Variants in GOLGA4 observed in about 807,000 individuals in gnomAD.
The protein encoded by GOLGA4 is golgin A4.
Under a neutral mutation model 265.9 loss-of-function variants are expected in GOLGA4, and 169 were observed. The ratio of observed to expected loss-of-function variants is 0.64; its 90% CI spans 0.56 to 0.72. The LOEUF (loss-of-function observed/expected upper bound fraction) is 0.72. Among genes scored for constraint, GOLGA4 ranks in the 30% least tolerant of loss-of-function variants. The pLI, the probability that GOLGA4 is intolerant of heterozygous loss-of-function variation, is 0.00. For missense variants in GOLGA4, 2,482 were observed against 2,483.4 expected (o/e 1.00, Z 0.01); for synonymous variants, 923 against 855.8 (o/e 1.08, Z -1.37).
chr3:37,275,433 A>C (rs568639008), intron 2 of GOLGA4, among the ~76,000 whole-genome samples: 2 of 152,266 alleles, frequency 1.3e-5, no homozygotes, highest in South Asian at 4.1e-4. Context: ...CTAGAAATAC[A>C]TAATTTTCTA....
chr3:37,340,014 C>T, intron 19 of GOLGA4, 110 bp from the exon 20 acceptor site: 1 of 520,372 alleles, frequency 1.9e-6, no homozygotes, highest in Non-Finnish European at 3.5e-6. Flanking sequence ...TTTTATTTGC[C>T]TATATTCTGT....
At chr3:37,258,783 C>T (rs976505181) in intron 2 of GOLGA4, among the ~76,000 whole-genome samples, 3 of 152,070 alleles carry the variant, frequency 2.0e-5, no homozygotes, top group African/African-American at 4.8e-5. Flanking sequence ...TATTGAATAT[C>T]GTATTAATTG....
chr3:37,299,673 A>C (rs950787447), intron 9 of GOLGA4, among the ~76,000 whole-genome samples: 3 of 152,210 alleles, frequency 2.0e-5, no homozygotes, highest in Admixed American at 6.5e-5. Flanking sequence ...ATTTATAGTT[A>C]AGGCATTATA....
intron 4 of GOLGA4, among the ~76,000 whole-genome samples, chr3:37,288,784 G>T (rs2096857286): frequency 6.6e-6 from 1 of 151,992 alleles, no homozygotes; most frequent in African/African-American, 2.4e-5. Flanking sequence ...GGCTGGTTTT[G>T]TTTTTTTAAA....
intron 2 of GOLGA4, among the ~76,000 whole-genome samples, chr3:37,253,462 G>C (rs1014342788): frequency 6.6e-6 from 1 of 151,942 alleles, no homozygotes; most frequent in African/African-American, 2.4e-5. Context: ...GCACTCTGTG[G>C]TCAAAGTACC....
intron 17 of GOLGA4, among the ~76,000 whole-genome samples, chr3:37,335,836 G>A (rs551865194): frequency 4.2e-5 from 6 of 142,920 alleles, no homozygotes; most frequent in Admixed American, 7.3e-5. Flanking sequence ...ATGGCTTCTT[G>A]TCCTGCTGTG....
At chr3:37,273,856 CT>C (rs2096805732) in intron 2 of GOLGA4, among the ~76,000 whole-genome samples, 1 of 152,278 alleles carries the variant, frequency 6.6e-6, no homozygotes, top group African/African-American at 2.4e-5. Context: ...AATCCCAGCA[CT>C]TTGGGAGGCT....
In GOLGA4 at chr3:37,243,360, C is replaced by CGCG. The variant is rs1578298084; in HGVS notation, c.-181_-179dup. The CGCG allele has an allele frequency of 1.7e-6, 1 of 579,194 alleles. No individual in the cohort carries two copies. Among genetic ancestry groups the CGCG allele is most frequent in the South Asian group, 2.2e-5 (1 of 45,568 alleles). The allele number at this position is 579,194 out of a possible 1,614,324, so 35.9% of individuals were successfully genotyped here. A position where few individuals can be genotyped will look rare whatever the true frequency, so the allele number is the denominator to read the frequency against. ...GCCAGTGGCACCCGGAAGAAAGAGA[C>CGCG]GCGGCGGCGGCGACGCCGACACCCT... is the stretch of plus-strand genomic sequence containing the variant. On this transcript the variant is annotated 5_prime_UTR_variant, in exon 1 of 24. Coordinates refer to ENST00000361924, the MANE Select transcript of GOLGA4 (RefSeq NM_002078.5).
intron 2 of GOLGA4, among the ~76,000 whole-genome samples, chr3:37,280,719 AC>A (rs1297421615): frequency 2.6e-5 from 4 of 152,192 alleles, no homozygotes; most frequent in African/African-American, 9.6e-5. Flanking sequence ...ACCAGGACAT[AC>A]TTTTCAAGTT....
chr3:37,245,867 C>T (rs1027420390), intron 1 of GOLGA4, among the ~76,000 whole-genome samples: 6 of 152,160 alleles, frequency 3.9e-5, no homozygotes, highest in South Asian at 4.2e-4. Flanking sequence ...CCTGGCCATT[C>T]GTGGTCTACT....
chr3:37,269,332 T>C (rs945384389), intron 2 of GOLGA4, among the ~76,000 whole-genome samples: 3 of 152,192 alleles, frequency 2.0e-5, no homozygotes, highest in Non-Finnish European at 4.4e-5. Flanking sequence ...TATTAGGTCA[T>C]GGGGACTAAG....
At chr3:37,278,468 G>T (rs1274144922) in intron 2 of GOLGA4, among the ~76,000 whole-genome samples, 1 of 152,148 alleles carries the variant, frequency 6.6e-6, no homozygotes, top group African/African-American at 2.4e-5. Flanking sequence ...CTCCCAGAGT[G>T]CTGGGATTAC....
intron 2 of GOLGA4, among the ~76,000 whole-genome samples, chr3:37,265,816 C>T (rs982878857): frequency 2.0e-5 from 3 of 152,054 alleles, no homozygotes; most frequent in South Asian, 2.1e-4. Flanking sequence ...GCAGGTGGAT[C>T]GCTTGAGCTC....
intron 2 of GOLGA4, among the ~76,000 whole-genome samples, chr3:37,279,863 C>T (rs1005310245): frequency 4.0e-5 from 6 of 151,442 alleles, no homozygotes; most frequent in Non-Finnish European, 2.9e-5. Flanking sequence ...GCTGAGATCA[C>T]GCCACTGCAC....
At chr3:37,361,348 A>G (rs1206925736) in intron 23 of GOLGA4, 43 bp downstream of exon 23, 4 of 1,401,348 alleles carry the variant, frequency 2.9e-6, no homozygotes, top group Non-Finnish European at 3.0e-6. Flanking sequence ...GCAAAAATCA[A>G]ATGTGTTGCC....
chr3:37,245,184 A>G lies in GOLGA4; in HGVS notation c.72+1562A>G, dbSNP rs191808129. On this transcript the variant is annotated intron_variant, in intron 1 of 23. Transcript: ENST00000361924. ...CTTCATAGGTTATTATGCAGCCATA[A>G]AAAGTCAACATTTACTGTGTCATTA... 22 of 152,782 alleles carry G rather than the reference A, an allele frequency of 1.4e-4. No homozygotes were observed. In the East Asian group the frequency reaches 3.3e-3, roughly 23 times the overall value. 9.5% of individuals were successfully genotyped at this position (152,782 alleles called of 1,614,324 possible).
Position 37,325,504 on chromosome 3 carries a change from T to G in GOLGA4, c.3618T>G (p.Phe1206Leu), listed in dbSNP as rs1301589802. 1.9e-6 allele frequency: 3 copies of G among 1,613,736 alleles called. No individual in the cohort carries two copies. The highest frequency in any genetic ancestry group is 2.5e-6 in the Non-Finnish European group (3 of 1,179,800). ...NKSLEDKSLEFKKLSEELAIQ... is the reference protein window; with the variant it reads ...NKSLEDKSLELKKLSEELAIQ... The stretch of plus-strand genomic sequence containing the variant: ...GCCTAGAGGACAAGAGCTTGGAATT[T>G]AAAAAACTGTCTGAGGAACTAGCGA... The change falls in exon 14 of 24, where the codon TTT (phenylalanine) becomes TTG (leucine). Residue 1206 changes from phenylalanine (F) to leucine (L), a missense_variant. By Grantham distance (22) the Phe-to-Leu change is conservative (BLOSUM62 0). Around this residue, in one of 3 missense-constraint regions of GOLGA4, gnomAD observed 1,536 missense variants for 1,483.7 expected, o/e 1.04. Coordinates refer to ENST00000361924, the MANE Select transcript of GOLGA4 (RefSeq NM_002078.5).
At chr3:37,279,891 A>G (rs938039989) in intron 2 of GOLGA4, among the ~76,000 whole-genome samples, 2 of 151,522 alleles carry the variant, frequency 1.3e-5, no homozygotes, top group African/African-American at 4.9e-5. Flanking sequence ...TGGGCAACAG[A>G]GAAAGACTAT....
At chr3:37,271,110 T>C (rs1345726082) in intron 2 of GOLGA4, among the ~76,000 whole-genome samples, 1 of 152,134 alleles carries the variant, frequency 6.6e-6, no homozygotes, top group African/African-American at 2.4e-5. Flanking sequence ...GCTCAGGTGG[T>C]AATGCGAGTG....
Sources: gnomAD v4.1 joint callset for allele counts (sites outside exome capture counted in the v4.1 genomes callset) on GRCh38, gnomAD v4.1.1 for gene constraint, gnomAD v4.1.1 regional missense constraint, MANE v1.5 for transcripts, NCBI Gene and HGNC (gene_info 2026-07-23, HGNC 2026-07-21) for gene names.